The following CAMK2G variants were observed in gnomAD, a reference collection of about 807,000 sequenced individuals.
CAMK2G encodes calcium/calmodulin-dependent protein kinase type II subunit gamma.
Under a neutral mutation model 88.7 loss-of-function variants are expected in CAMK2G, and 23 were observed. The observed-to-expected ratio is 0.26, with a 90% CI of 0.19 to 0.37. The LOEUF is 0.37. Ranked by LOEUF, CAMK2G falls within the 10% of genes least tolerant of loss-of-function variation. CAMK2G has a pLI of 1.00. For synonymous variants in CAMK2G, 263 were observed against 294.8 expected (o/e 0.89, Z 1.11); for missense variants, 476 against 780.8 (o/e 0.61, Z 4.65).
At chr10:73,868,937 G>A (rs1177164669) in intron 2 of CAMK2G, among the ~76,000 whole-genome samples, 2 of 152,200 alleles carry the variant, frequency 1.3e-5, no homozygotes, top group Non-Finnish European at 2.9e-5. Context: ...CGCAGCCTCA[G>A]ACACAGACAC....
chr10:73,828,668 A>G (rs201652551), intron 14 of CAMK2G, among the ~76,000 whole-genome samples: 1 of 152,268 alleles, frequency 6.6e-6, no homozygotes, highest in East Asian at 1.9e-4. Flanking sequence ...ATCACCTAGC[A>G]GTTAAATGTT....
chr10:73,854,325 T>C (rs2094865866), intron 3 of CAMK2G, among the ~76,000 whole-genome samples: 2 of 151,542 alleles, frequency 1.3e-5, no homozygotes, highest in Admixed American at 1.3e-4. Flanking sequence ...AGCTCTTGGG[T>C]AAAAAACCAA....
chr10:73,817,389 C>T (rs996896862), intron 20 of CAMK2G, 90 bp downstream of exon 20: 9 of 1,007,872 alleles, frequency 8.9e-6, no homozygotes, highest in Non-Finnish European at 1.1e-5. Context: ...GGTCCAACCT[C>T]CCTTTCCCCA....
intron 2 of CAMK2G, among the ~76,000 whole-genome samples, chr10:73,870,854 T>C (rs2095803171): frequency 6.6e-6 from 1 of 152,164 alleles, no homozygotes; most frequent in South Asian, 2.1e-4. Flanking sequence ...AACCAGCCCA[T>C]GGCTACCCTG....
chr10:73,816,449 T>C, intron 21 of CAMK2G: 1 of 1,087,642 alleles, frequency 9.2e-7, no homozygotes, highest in Non-Finnish European at 1.1e-6. Flanking sequence ...TGGAAAGAGG[T>C]GAGGCTTAAA....
intron 3 of CAMK2G, among the ~76,000 whole-genome samples, chr10:73,855,883 CAA>C (rs2094992668): frequency 1.3e-5 from 2 of 152,022 alleles, no homozygotes; most frequent in South Asian, 2.1e-4. Context: ...ACACTGAAGA[CAA>C]GAGGAGAAAT....
intron 5 of CAMK2G, among the ~76,000 whole-genome samples, chr10:73,850,001 T>C (rs2094507608): frequency 6.6e-6 from 1 of 152,172 alleles, no homozygotes; most frequent in Admixed American, 6.5e-5. Flanking sequence ...AGTTATTTTA[T>C]TATTTTATTT....
In CAMK2G at chr10:73,874,503, G is replaced by C; in HGVS notation, c.-42C>G. The C allele has an allele frequency of 7.1e-7, 1 of 1,405,900 alleles. No homozygotes were observed. Among genetic ancestry groups the C allele is most frequent in the Non-Finnish European group, 9.5e-7 (1 of 1,056,318 alleles). The allele number at this position is 1,405,900 out of a possible 1,614,324, so 87.1% of individuals were successfully genotyped here. ...ACGCGGCGGTGCAGCCCGCGCCGAC[G>C]TCGGTGCACAGTCACCGCCGCCCGG... On this transcript the variant is annotated 5_prime_UTR_variant, in exon 1 of 23. Coordinates refer to ENST00000423381, the MANE Select transcript of CAMK2G (RefSeq NM_001367534.1).
intron 2 of CAMK2G, among the ~76,000 whole-genome samples, chr10:73,867,852 G>A (rs568354096): frequency 2.4e-4 from 37 of 152,298 alleles, no homozygotes; most frequent in African/African-American, 7.5e-4. Context: ...GAGGCCACAC[G>A]GCCTGAGGAC....
At chr10:73,865,877 G>GCC (rs1184828576) in intron 2 of CAMK2G, among the ~76,000 whole-genome samples, 2 of 95,944 alleles carry the variant, frequency 2.1e-5, no homozygotes, top group Non-Finnish European at 4.2e-5. Flanking sequence ...CCACAGCCCA[G>GCC]CCCCCCCCTT....
At chr10:73,835,480 T>TC (rs1339777945) in intron 14 of CAMK2G, among the ~76,000 whole-genome samples, 5 of 151,250 alleles carry the variant, frequency 3.3e-5, no homozygotes, top group Admixed American at 6.6e-5. Flanking sequence ...TTTTTTTTTT[T>TC]CACAGACAAG....
chr10:73,852,256 G>A lies in CAMK2G; in HGVS notation c.339C>T (p.Ala113=). ...VAREYYSEAD[A]SHCIHQILES... is the part of the protein sequence containing the mutation. ...GAACTCTCGGGCCCTCATCCTACCT[G>A]GCATCTGCTTCACTGTAGTACTCTC... is the stretch of plus-strand genomic sequence containing the variant. The change falls in exon 5 of 23, where the codon GCC becomes GCT. Residue 113 remains alanine (A), a splice_region_variant and synonymous_variant. Transcript: ENST00000423381. The A allele has an allele frequency of 6.2e-7, 1 of 1,613,170 alleles. No homozygotes were observed. Among genetic ancestry groups the A allele is most frequent in the Non-Finnish European group, 8.5e-7 (1 of 1,179,164 alleles).
intron 10 of CAMK2G, among the ~76,000 whole-genome samples, chr10:73,843,519 G>A (rs560844372): frequency 6.6e-6 from 1 of 152,188 alleles, no homozygotes; most frequent in South Asian, 2.1e-4. Context: ...TGTCCTCAGG[G>A]GCTCGAGACA....
chr10:73,848,408 A>G lies in CAMK2G; in HGVS notation c.601+118T>C. 1.3e-6 allele frequency: 1 copy of G among 741,192 alleles called. No individual in the cohort carries two copies. Among genetic ancestry groups the G allele is most frequent in the Non-Finnish European group, 2.4e-6 (1 of 412,312 alleles). The allele number at this position is 741,192 out of a possible 1,614,324, so 45.9% of individuals were successfully genotyped here. ...AGCCATCCCAGGGGCAAACACCATA[A>G]TTTCACATACACCAGGCACGTGTGT... is the stretch of plus-strand genomic sequence containing the variant. On this transcript the variant is annotated intron_variant, in intron 8 of 22. Transcript: ENST00000423381. This position sits in a 1 kb window ranked among gnomAD's most constrained non-coding sequence, Gnocchi z 4.5.
At position 73,837,516 on chromosome 10, in the gene CAMK2G, G is replaced by GA. The variant is rs774399656; in HGVS notation, c.1010-6dup. ...TGTTCAATAGGCTTTTGGCAGCTGTGAAAACAAAGAGGAATATCAAGTCTC... is the reference window on the plus strand; with the variant it reads ...TGTTCAATAGGCTTTTGGCAGCTGTGAAAAACAAAGAGGAATATCAAGTCTC... On this transcript the variant is annotated splice_polypyrimidine_tract_variant and splice_region_variant and intron_variant, in intron 13 of 22. Coordinates refer to ENST00000423381, the MANE Select transcript of CAMK2G (RefSeq NM_001367534.1). The GA allele has an allele frequency of 1.8e-5, 29 of 1,612,466 alleles. No individual in the cohort carries two copies. In the South Asian group the frequency reaches 3.0e-4, roughly 16 times the overall value.
At position 73,848,910 on chromosome 10, in the gene CAMK2G, C is replaced by T; in HGVS notation, c.517+103G>A. 3.7e-6 allele frequency: 3 copies of T among 816,080 alleles called. No individual in the cohort carries two copies. The highest frequency in any genetic ancestry group is 4.4e-6 in the Non-Finnish European group (2 of 456,586). 50.6% of individuals were successfully genotyped at this position (816,080 alleles called of 1,614,324 possible). Reference sequence around the variant, plus strand: ...TACGGCCAAGAGAGATCTCGGAGGCCAGGACCATTAAGGGTCTGGCTTCTA... The same window carrying T: ...TACGGCCAAGAGAGATCTCGGAGGCTAGGACCATTAAGGGTCTGGCTTCTA... On this transcript the variant is annotated intron_variant, in intron 7 of 22. Coordinates refer to ENST00000423381, the MANE Select transcript of CAMK2G (RefSeq NM_001367534.1). The surrounding 1 kb of genome is among the most constrained non-coding windows in gnomAD (Gnocchi z 4.5).
At chr10:73,863,775 C>T (rs1565494802) in intron 2 of CAMK2G, among the ~76,000 whole-genome samples, 1 of 152,224 alleles carries the variant, frequency 6.6e-6, no homozygotes, top group African/African-American at 2.4e-5. Context: ...GACTCAGGCT[C>T]CCAGCTCCTC....
In CAMK2G at chr10:73,817,507, T is replaced by C. The variant is rs1371521706; in HGVS notation, c.1411A>G (p.Ile471Val). 2 of 1,613,368 alleles carry C rather than the reference T, an allele frequency of 1.2e-6. No individual in the cohort carries two copies. Among genetic ancestry groups the C allele is most frequent in the Non-Finnish European group, 1.7e-6 (2 of 1,179,264 alleles). Residue 471 changes from isoleucine to valine, a missense_variant, in exon 20 of 23, where the codon ATC (isoleucine) becomes GTC (valine). Physicochemically the swap from Ile to Val is conservative, Grantham distance 29 (BLOSUM62 3). This residue lies in a region of CAMK2G where 278 missense variants were observed against 366.5 expected (regional missense o/e 0.76). Transcript: ENST00000423381. Reference sequence around the variant, plus strand: ...TAGGCCTCAAAGTCCCCATTGTTGATGGCTTCAATCAGCTGTTCTGTAATC... The same window carrying C: ...TAGGCCTCAAAGTCCCCATTGTTGACGGCTTCAATCAGCTGTTCTGTAATC... The part of the protein sequence containing the change: ...IKITEQLIEA[I>V]NNGDFEAYTK...
Position 73,820,690 on chromosome 10 carries a change from GAGA to G in CAMK2G, c.1249+989_1249+991del, listed in dbSNP as rs1413206659. ...TTTTTTTTTTTTTTTTTTTTTTTTT[GAGA>G]AGAAGTTTCGCTCTTGTTGCCCAGG... On this transcript the variant is annotated intron_variant, in intron 18 of 22. Transcript: ENST00000423381. 2.8e-4 allele frequency among the ~76,000 whole-genome samples: 7 copies of G among 25,152 alleles called. No homozygotes were observed. In the East Asian group the frequency reaches 4.0e-3, roughly 14 times the overall value. 16.5% of individuals were successfully genotyped at this position (25,152 alleles called of 152,430 possible).
Sources: gnomAD v4.1 joint callset for allele counts (sites outside exome capture counted in the v4.1 genomes callset) on GRCh38, gnomAD v4.1.1 for gene constraint, gnomAD v4.1.1 regional missense constraint, Gnocchi (gnomAD v3.1) non-coding constraint, MANE v1.5 for transcripts, NCBI Gene and HGNC (gene_info 2026-07-23, HGNC 2026-07-21) for gene names.